NRIP1: variants seen among roughly 807,000 people sequenced by gnomAD.
The protein encoded by NRIP1 is nuclear receptor-interacting protein 1.
In NRIP1, 28 loss-of-function variants were observed where a neutral mutation model predicts 75.0. That is an observed-to-expected ratio of 0.37 (90% CI 0.28 to 0.51). The LOEUF (loss-of-function observed/expected upper bound fraction) is 0.51, where lower values mean the gene tolerates loss of function less well. Ranked by LOEUF, NRIP1 falls within the 20% of genes least tolerant of loss-of-function variation. The pLI is 0.92. For missense variants in NRIP1, 1,435 were observed against 1,343.7 expected (o/e 1.07, Z -1.06); for synonymous variants, 526 against 487.6 (o/e 1.08, Z -1.04).
chr21:15,006,209 A>G (rs767915167), intron 3 of NRIP1, among the ~76,000 whole-genome samples: 7 of 152,194 alleles, frequency 4.6e-5, no homozygotes, highest in Admixed American at 1.3e-4. Context: ...GAGTAACACA[A>G]GTAAAACAAG....
chr21:15,028,491 A>G (rs1033848216), intron 2 of NRIP1, among the ~76,000 whole-genome samples: 9 of 152,232 alleles, frequency 5.9e-5, no homozygotes, highest in African/African-American at 2.2e-4. Context: ...CTACATCCAC[A>G]CCATTAGTCC....
chr21:15,032,008 C>T (rs555452619), intron 2 of NRIP1, among the ~76,000 whole-genome samples: 1 of 152,292 alleles, frequency 6.6e-6, no homozygotes, highest in South Asian at 2.1e-4. Context: ...TCACCACATT[C>T]CCTTTCTATG....
chr21:15,016,199 T>C (rs760972918), intron 2 of NRIP1, among the ~76,000 whole-genome samples: 20 of 152,230 alleles, frequency 1.3e-4, no homozygotes, highest in Admixed American at 3.9e-4. Flanking sequence ...TTAAGTCATA[T>C]GCCCCAAATT....
intron 1 of NRIP1, among the ~76,000 whole-genome samples, chr21:15,055,080 A>C (rs1269643510): frequency 6.6e-6 from 1 of 152,154 alleles, no homozygotes; most frequent in Non-Finnish European, 1.5e-5. Context: ...AGGGGTGTAG[A>C]CCAACGTGCA....
Position 15,003,132 on chromosome 21 carries a change from C to T in NRIP1, c.-335+11212G>A, listed in dbSNP as rs1031821506. 2.6e-5 allele frequency among the ~76,000 whole-genome samples: 4 copies of T among 151,974 alleles called. No individual in the cohort carries two copies. The East Asian group carries it at 5.8e-4, about 22-fold the overall frequency. On this transcript the variant is annotated intron_variant, in intron 3 of 3. Coordinates refer to ENST00000318948, the MANE Select transcript of NRIP1 (RefSeq NM_003489.4). ...AAAGGTATGCCAGTCATTGAGTAGG[C>T]GAATGACAGAAGTTGTTAAATATTT...
In NRIP1 at chr21:14,967,267, T is replaced by C. The variant is rs2086779386; in HGVS notation, c.926A>G (p.Gln309Arg). 3.7e-6 allele frequency: 6 copies of C among 1,613,892 alleles called. No individual in the cohort carries two copies. The highest frequency in any genetic ancestry group is 2.7e-5 in the African/African-American group (2 of 74,944). Residue 309 changes from glutamine to arginine, a missense_variant, in exon 4 of 4, where the codon CAG becomes CGG. Gln to Arg is a conservative substitution (Grantham distance 43). Transcript: ENST00000318948. ...GAGCTGGTAACTGCCAACATCCTTC[T>C]GGCCATTTTCTTGCAATCTGGCCAT... ...AAMARLQENG[Q>R]KDVGSYQLPK...
Position 14,961,672 on chromosome 21 carries a change from C to T in NRIP1, c.*3044G>A, listed in dbSNP as rs1249008855. The T allele has an allele frequency of 6.6e-6, 1 of 152,432 alleles. No homozygotes were observed. Among genetic ancestry groups the T allele is most frequent in the Admixed American group, 6.6e-5 (1 of 15,244 alleles). 9.4% of individuals were successfully genotyped at this position (152,432 alleles called of 1,614,324 possible). ...TGGAATACTGTCATGTTAGGATGAA[C>T]ATCTGATCTGATTTGTTAAGACATT... is the stretch of plus-strand genomic sequence containing the variant. On this transcript the variant is annotated 3_prime_UTR_variant, in exon 4 of 4. Coordinates refer to ENST00000318948, the MANE Select transcript of NRIP1 (RefSeq NM_003489.4).
intron 1 of NRIP1, chr21:15,050,566 C>T (rs1184075384): frequency 8.3e-6 from 3 of 363,506 alleles, no homozygotes. Context: ...CTAATGGCAT[C>T]GCACTTAACA....
At chr21:14,990,215 C>A (rs1410144830) in intron 3 of NRIP1, among the ~76,000 whole-genome samples, 1 of 152,170 alleles carries the variant, frequency 6.6e-6, no homozygotes, top group Admixed American at 6.5e-5. Context: ...CTCCCTCCAC[C>A]CCTCCTCTTA....
intron 3 of NRIP1, among the ~76,000 whole-genome samples, chr21:14,985,093 G>A (rs759485837): frequency 3.5e-4 from 53 of 152,132 alleles, no homozygotes; most frequent in South Asian, 2.1e-4. Flanking sequence ...GTTTTGGTTC[G>A]TTAAGGCCTG....
rs554983207 is a variant in NRIP1, at chr21:15,064,433, GC to G, written c.-538+311del. On this transcript the variant is annotated intron_variant, in intron 1 of 3. Transcript: ENST00000318948. ...AGCGAGCGGGGGCAACCCCGACCCG[GC>G]CCCCCGAGTCCGGCCCCGCTCAGGG... is the stretch of plus-strand genomic sequence containing the variant. Among the ~76,000 whole-genome samples the G allele has an allele frequency of 2.5e-3, 381 of 152,210 alleles. 1 individual carries two copies. Among genetic ancestry groups the G allele is most frequent in the African/African-American group, 8.4e-3 (347 of 41,556 alleles).
intron 1 of NRIP1, among the ~76,000 whole-genome samples, chr21:15,046,574 T>C (rs977421628): frequency 6.6e-6 from 1 of 152,222 alleles, no homozygotes; most frequent in Non-Finnish European, 1.5e-5. Flanking sequence ...TGGTTTCCAC[T>C]TCAAGTCACC....
At chr21:15,009,208 G>T (rs916204626) in intron 3 of NRIP1, among the ~76,000 whole-genome samples, 1 of 152,126 alleles carries the variant, frequency 6.6e-6, no homozygotes, top group Admixed American at 6.5e-5. Context: ...AGAAAAGAAA[G>T]AACTTTCTAA....
In NRIP1 at chr21:15,050,805, A is replaced by G. The variant is rs180780600; in HGVS notation, c.-537-7231T>C. 35 of 456,052 alleles carry G rather than the reference A, an allele frequency of 7.7e-5. No individual in the cohort carries two copies. In the Middle Eastern group the frequency reaches 2.0e-3, roughly 25 times the overall value. The allele number at this position is 456,052 out of a possible 1,614,324, so 28.3% of individuals were successfully genotyped here. ...GCAAAGGACTCAGCGTGCCTTTCAC[A>G]TGCAAACTAAACAATCCACAGCGAT... On this transcript the variant is annotated intron_variant, in intron 1 of 3. Transcript: ENST00000318948.
chr21:15,062,155 A>G (rs960964425), intron 1 of NRIP1, among the ~76,000 whole-genome samples: 1 of 152,230 alleles, frequency 6.6e-6, no homozygotes, highest in African/African-American at 2.4e-5. Context: ...TACTTCCTCC[A>G]TGGACAATGT....
At chr21:14,970,704 T>C (rs549158347) in intron 3 of NRIP1, among the ~76,000 whole-genome samples, 2 of 152,324 alleles carry the variant, frequency 1.3e-5, no homozygotes, top group South Asian at 4.1e-4. Flanking sequence ...AAAGTCAAAA[T>C]CATACCAGTC....
intron 2 of NRIP1, among the ~76,000 whole-genome samples, chr21:15,024,588 G>GTGTGTC (rs2088470597): frequency 6.6e-6 from 1 of 151,596 alleles, no homozygotes; most frequent in South Asian, 2.1e-4. Flanking sequence ...GTGTGTGTGT[G>GTGTGTC]TGTGTGTGTC....
chr21:15,022,753 T>C, intron 2 of NRIP1, among the ~76,000 whole-genome samples: 1 of 152,180 alleles, frequency 6.6e-6, no homozygotes, highest in Non-Finnish European at 1.5e-5. Context: ...GAACAGACAG[T>C]TCCTTAAAAA....
Position 15,039,703 on chromosome 21 carries a change from A to G in NRIP1, c.-458+3792T>C, listed in dbSNP as rs531016260. 3.1e-4 allele frequency among the ~76,000 whole-genome samples: 47 copies of G among 152,258 alleles called. 1 individual carries two copies. The highest frequency in any genetic ancestry group is 7.2e-4 in the Admixed American group (11 of 15,298). On this transcript the variant is annotated intron_variant, in intron 2 of 3. Coordinates refer to ENST00000318948, the MANE Select transcript of NRIP1 (RefSeq NM_003489.4). ...TACAGCAATTTATCACATTCAATTA[A>G]GCCAGCCATGCTTTTGAAAAAAGAA...
Sources: gnomAD v4.1 joint callset for allele counts (sites outside exome capture counted in the v4.1 genomes callset) on GRCh38, gnomAD v4.1.1 for gene constraint, MANE v1.5 for transcripts, NCBI Gene and HGNC (gene_info 2026-07-23, HGNC 2026-07-21) for gene names.